Variants in SORCS1 observed in about 807,000 individuals in gnomAD.
SORCS1 encodes the protein VPS10 domain-containing receptor SorCS1.
In SORCS1, 60 loss-of-function variants were observed where a neutral mutation model predicts 146.1. The observed-to-expected ratio is 0.41, with a 90% CI of 0.33 to 0.51. The LOEUF (loss-of-function observed/expected upper bound fraction) is 0.51. Ranked by LOEUF, SORCS1 falls within the 20% of genes least tolerant of loss-of-function variation. The pLI is 0.21. For missense variants in SORCS1, 1,352 were observed against 1,487.6 expected (o/e 0.91, Z 1.50); for synonymous variants, 637 against 584.0 (o/e 1.09, Z -1.31).
In SORCS1 at chr10:106,645,754, C is replaced by A. The variant is rs544411228; in HGVS notation, c.2475+6628G>T. Among the ~76,000 whole-genome samples, 7 of 151,768 alleles carry A rather than the reference C, an allele frequency of 4.6e-5. No homozygotes were observed. The South Asian group carries it at 1.5e-3, about 32-fold the overall frequency. On this transcript the variant is annotated intron_variant, in intron 18 of 25. Transcript: ENST00000263054. Reference sequence around the variant, plus strand: ...ATAATAAAAATAATAAAAAACATAACAAAATAATTTTATTATTTTATTACT... The same window carrying A: ...ATAATAAAAATAATAAAAAACATAAAAAAATAATTTTATTATTTTATTACT...
At chr10:106,927,245 C>T (rs1399714160) in intron 2 of SORCS1, among the ~76,000 whole-genome samples, 2 of 152,076 alleles carry the variant, frequency 1.3e-5, no homozygotes, top group African/African-American at 2.4e-5. Context: ...TTCTGATGTT[C>T]GGATGTGTTC....
intron 10 of SORCS1, among the ~76,000 whole-genome samples, 153 bp downstream of exon 10, chr10:106,688,039 G>A (rs1465696280): frequency 6.6e-6 from 1 of 152,172 alleles, no homozygotes; most frequent in Non-Finnish European, 1.5e-5. Context: ...AGGCAGTGCT[G>A]TGAGTTTTCT....
intron 2 of SORCS1, among the ~76,000 whole-genome samples, chr10:106,888,759 T>C (rs1564776770): frequency 1.3e-5 from 2 of 152,194 alleles, no homozygotes; most frequent in Non-Finnish European, 2.9e-5. Flanking sequence ...AAGCATGAAA[T>C]GGTATCTTAT....
intron 9 of SORCS1, among the ~76,000 whole-genome samples, chr10:106,692,523 G>A (rs925519729): frequency 1.3e-5 from 2 of 152,202 alleles, no homozygotes; most frequent in Non-Finnish European, 2.9e-5. Flanking sequence ...CAATGAAAAT[G>A]ACCTAAAATT....
chr10:107,064,747 C>A (rs1269070568), intron 1 of SORCS1, among the ~76,000 whole-genome samples: 1 of 152,176 alleles, frequency 6.6e-6, no homozygotes, highest in Non-Finnish European at 1.5e-5. Flanking sequence ...TCTGTAAGCT[C>A]TACAAGACTT....
intron 3 of SORCS1, among the ~76,000 whole-genome samples, chr10:106,821,784 T>C (rs1948040866): frequency 6.6e-6 from 1 of 151,662 alleles, no homozygotes; most frequent in Admixed American, 6.6e-5. Context: ...TAGCCAGGCG[T>C]GTTGGTGGGC....
chr10:107,091,064 A>C (rs1964148509), intron 1 of SORCS1, among the ~76,000 whole-genome samples: 1 of 152,242 alleles, frequency 6.6e-6, no homozygotes, highest in Non-Finnish European at 1.5e-5. Flanking sequence ...AGTAAAAGCG[A>C]GGGAGACCCA....
chr10:106,938,897 T>C (rs1316811504), intron 2 of SORCS1, among the ~76,000 whole-genome samples: 2 of 152,206 alleles, frequency 1.3e-5, no homozygotes, highest in Admixed American at 6.6e-5. Context: ...TGGGACATCC[T>C]GCTGCCTAGC....
intron 1 of SORCS1, among the ~76,000 whole-genome samples, chr10:107,132,402 A>C (rs2134642809): frequency 6.6e-6 from 1 of 152,352 alleles, no homozygotes; most frequent in Non-Finnish European, 1.5e-5. Context: ...TACACAACAT[A>C]GCACTTAATT....
chr10:106,988,497 C>A (rs559434552), intron 1 of SORCS1, among the ~76,000 whole-genome samples: 81 of 152,188 alleles, frequency 5.3e-4, no homozygotes, highest in African/African-American at 1.9e-3. Flanking sequence ...TGGAAAGAAT[C>A]CCTTATCCAG....
chr10:106,957,170 T>TTTC lies in SORCS1; in HGVS notation c.559-591_559-590insGAA, dbSNP rs935306297. ...TTAGCATGTGGTTTTTTTTTGTTTTTTTTGTTTTTTTTTTTGGAGATAGAG... is the reference window on the plus strand; with the variant it reads ...TTAGCATGTGGTTTTTTTTTGTTTTTTTCTTTGTTTTTTTTTTTGGAGATAGAG... On this transcript the variant is annotated intron_variant, in intron 1 of 25. Coordinates refer to ENST00000263054, the MANE Select transcript of SORCS1 (RefSeq NM_052918.5). 2.3e-3 allele frequency among the ~76,000 whole-genome samples: 345 copies of TTTC among 148,284 alleles called. 12 individuals are homozygous for TTTC. The East Asian group carries it at 0.06, about 26-fold the overall frequency.
At chr10:107,061,279 G>A (rs899560776) in intron 1 of SORCS1, among the ~76,000 whole-genome samples, 1 of 151,984 alleles carries the variant, frequency 6.6e-6, no homozygotes, top group Non-Finnish European at 1.5e-5. Context: ...AACATGAAAG[G>A]TAAAAGGAAT....
the SORCS1 span, among the ~76,000 whole-genome samples, chr10:107,178,852 T>C: frequency 1.3e-5 from 2 of 151,956 alleles, no homozygotes; most frequent in Non-Finnish European, 2.9e-5. Flanking sequence ...TTAAAAAAAA[T>C]CCATTCACTC....
At chr10:106,693,685 C>T (rs1467035242) in intron 9 of SORCS1, among the ~76,000 whole-genome samples, 1 of 152,146 alleles carries the variant, frequency 6.6e-6, no homozygotes, top group Non-Finnish European at 1.5e-5. Flanking sequence ...GAAAAAAACA[C>T]AGGTATCTCC....
chr10:107,013,245 G>C (rs908751301), intron 1 of SORCS1, among the ~76,000 whole-genome samples: 7 of 152,244 alleles, frequency 4.6e-5, no homozygotes, highest in African/African-American at 1.7e-4. Flanking sequence ...AAGGGATCAA[G>C]CTACTAGGAA....
chr10:106,923,490 T>C (rs1012836135), intron 2 of SORCS1, among the ~76,000 whole-genome samples: 2 of 152,170 alleles, frequency 1.3e-5, no homozygotes, highest in African/African-American at 2.4e-5. Flanking sequence ...GGCAGCTTGA[T>C]TGTTGGATCT....
In SORCS1 at chr10:106,970,604, G is replaced by T. The variant is rs980882029; in HGVS notation, c.559-14024C>A. On this transcript the variant is annotated intron_variant, in intron 1 of 25. Transcript: ENST00000263054. The stretch of plus-strand genomic sequence containing the variant: ...TGATTTGCCCGCCTTGGCCTCCCAA[G>T]GTGCTGGGATTACAGGCATGAGCCA... Among the ~76,000 whole-genome samples, 46 of 151,938 alleles carry T rather than the reference G, an allele frequency of 3.0e-4. 1 individual carries two copies. The highest frequency in any genetic ancestry group is 1.3e-4 in the Admixed American group (2 of 15,270).
chr10:107,033,366 A>G (rs1398606160), intron 1 of SORCS1, among the ~76,000 whole-genome samples: 1 of 152,220 alleles, frequency 6.6e-6, no homozygotes, highest in African/African-American at 2.4e-5. Flanking sequence ...GAGCCAAATC[A>G]TATCAGCATG....
At chr10:107,151,435 C>T (rs1309170857) in intron 1 of SORCS1, among the ~76,000 whole-genome samples, 2 of 152,164 alleles carry the variant, frequency 1.3e-5, no homozygotes, top group Non-Finnish European at 1.5e-5. Flanking sequence ...ACTTACAGTT[C>T]CACATGGCTG....
Sources: allele counts gnomAD v4.1 joint callset (sites outside exome capture counted in the v4.1 genomes callset), GRCh38; gene constraint gnomAD v4.1.1; transcripts MANE v1.5; gene names NCBI Gene and HGNC (gene_info 2026-07-23, HGNC 2026-07-21).